CACNA2D1: variants seen among roughly 807,000 people sequenced by gnomAD.
The protein encoded by CACNA2D1 is calcium voltage-gated channel auxiliary subunit alpha2delta 1, also known as voltage-dependent calcium channel subunit alpha-2/delta-1.
A neutral mutation model predicts 171.5 loss-of-function variants in CACNA2D1; 53 were observed. That is an observed-to-expected ratio of 0.31 (90% CI 0.25 to 0.39). The LOEUF (loss-of-function observed/expected upper bound fraction) is 0.39. Ranked by LOEUF, CACNA2D1 falls within the 10% of genes least tolerant of loss-of-function variation. The pLI is 1.00. For synonymous variants in CACNA2D1, 442 were observed against 443.1 expected, an observed-to-expected ratio of 1.00 and a Z score of 0.03; for missense variants, 903 against 1,299.8, an observed-to-expected ratio of 0.69 and a Z score of 4.69.
intron 9 of CACNA2D1, 146 bp downstream of exon 9, chr7:82,064,158 C>T: frequency 5.8e-6 from 3 of 521,644 alleles, no homozygotes; most frequent in Non-Finnish European, 1.1e-5. Context: ...CTTGATATGG[C>T]TTCATTGCCT....
rs533318538 is a variant in CACNA2D1 at position 82,349,767 on chromosome 7, C to T, written c.96-118G>A. 2.8e-5 allele frequency: 23 copies of T among 829,572 alleles called. No homozygotes were observed. The East Asian group carries it at 5.8e-4, about 21-fold the overall frequency. 51.4% of individuals were successfully genotyped at this position (829,572 alleles called of 1,614,324 possible). ...TAAAATGCCCTTAAATTATTCCTCTCCCTCCTAGCACCGACTATGTCCACC... is the reference window on the plus strand; with the variant it reads ...TAAAATGCCCTTAAATTATTCCTCTTCCTCCTAGCACCGACTATGTCCACC... On this transcript the variant is annotated intron_variant, in intron 1 of 38. Transcript: ENST00000356860.
chr7:82,144,443 C>T (rs891005590), intron 4 of CACNA2D1, among the ~76,000 whole-genome samples: 9 of 151,902 alleles, frequency 5.9e-5, no homozygotes, highest in African/African-American at 1.9e-4. Context: ...CTTTTTCTCC[C>T]CTGTGTATCC....
chr7:82,075,066 T>C (rs1808797281), intron 7 of CACNA2D1, among the ~76,000 whole-genome samples: 1 of 152,138 alleles, frequency 6.6e-6, no homozygotes, highest in Non-Finnish European at 1.5e-5. Context: ...CCTGTGTCCA[T>C]GTGTCCTCAT....
At chr7:82,397,163 A>G (rs1825829314) in intron 1 of CACNA2D1, among the ~76,000 whole-genome samples, 1 of 152,088 alleles carries the variant, frequency 6.6e-6, no homozygotes, top group African/African-American at 2.4e-5. Flanking sequence ...GCTTTCCCCA[A>G]AAGGATTCTG....
intron 38 of CACNA2D1, among the ~76,000 whole-genome samples, chr7:81,952,113 G>A (rs1792670403): frequency 6.6e-6 from 1 of 150,414 alleles, no homozygotes; most frequent in Non-Finnish European, 1.5e-5. Context: ...ATATGTTTTG[G>A]CCATTTGTAT....
intron 3 of CACNA2D1, among the ~76,000 whole-genome samples, chr7:82,300,653 A>AAT (rs1214790966): frequency 6.6e-6 from 1 of 152,174 alleles, no homozygotes; most frequent in Non-Finnish European, 1.5e-5. Flanking sequence ...ATTAAATGAT[A>AAT]GTCAACCAAA....
At chr7:81,967,887 T>C (rs1212303097) in intron 29 of CACNA2D1, among the ~76,000 whole-genome samples, 3 of 151,604 alleles carry the variant, frequency 2.0e-5, no homozygotes, top group African/African-American at 7.2e-5. Flanking sequence ...AATTAACTAA[T>C]ACAATAAGCT....
intron 3 of CACNA2D1, among the ~76,000 whole-genome samples, chr7:82,193,184 TA>T (rs34372290): frequency 0.25 from 37,620 of 151,766 alleles, 5,741 homozygotes; most frequent in Non-Finnish European, 0.34. Flanking sequence ...TTCAAGTAAA[TA>T]AGGCCAAACA....
rs73390074 is a variant in CACNA2D1, at chr7:82,435,764, A to G, written c.95+7601T>C. The stretch of plus-strand genomic sequence containing the variant: ...ATTACTTTTTTTTTTTAATTTAAAA[A>G]TCTCAACAGCAACACAGGATAGAAG... On this transcript the variant is annotated intron_variant, in intron 1 of 38. Coordinates refer to ENST00000356860, the MANE Select transcript of CACNA2D1 (RefSeq NM_000722.4). Among the ~76,000 whole-genome samples the G allele has an allele frequency of 8.7e-3, 1,330 of 152,156 alleles. 20 individuals carry two copies. The highest frequency in any genetic ancestry group is 0.031 in the Middle Eastern group (9 of 294).
At chr7:81,971,102 G>A (rs907630966) in intron 26 of CACNA2D1, 1 of 243,074 alleles carries the variant, frequency 4.1e-6, no homozygotes, top group Non-Finnish European at 8.1e-6. Context: ...GAAACAGTAA[G>A]AAGTAAAGTT....
intron 1 of CACNA2D1, among the ~76,000 whole-genome samples, chr7:82,440,048 A>G: frequency 6.6e-6 from 1 of 151,250 alleles, no homozygotes; most frequent in Non-Finnish European, 1.5e-5. Context: ...TAATAACAGG[A>G]AAAAAAAATA....
At chr7:82,335,087 A>T in intron 3 of CACNA2D1, 48 bp downstream of exon 3, 1 of 1,175,120 alleles carries the variant, frequency 8.5e-7, no homozygotes, top group Non-Finnish European at 1.3e-6. Context: ...ATTAAATAAT[A>T]GATAAGTAAG....
At chr7:82,054,365 C>A (rs1224900878) in intron 10 of CACNA2D1, among the ~76,000 whole-genome samples, 3 of 152,170 alleles carry the variant, frequency 2.0e-5, no homozygotes, top group African/African-American at 7.2e-5. Flanking sequence ...CTGGGAATGC[C>A]AGAGAATTAA....
intron 1 of CACNA2D1, among the ~76,000 whole-genome samples, chr7:82,419,930 C>CTTA (rs1828563440): frequency 6.6e-6 from 1 of 152,062 alleles, no homozygotes; most frequent in South Asian, 2.1e-4. Flanking sequence ...ATTGTCATGA[C>CTTA]TTGAGGAGGG....
chr7:82,123,509 A>G (rs759468108), intron 5 of CACNA2D1, among the ~76,000 whole-genome samples: 1 of 152,196 alleles, frequency 6.6e-6, no homozygotes, highest in South Asian at 2.1e-4. Flanking sequence ...AATAAATTCA[A>G]ATTTTAAATC....
intron 10 of CACNA2D1, among the ~76,000 whole-genome samples, chr7:82,041,571 A>C (rs1343626868): frequency 6.6e-6 from 1 of 152,200 alleles, no homozygotes; most frequent in Non-Finnish European, 1.5e-5. Flanking sequence ...TTTATTTTGA[A>C]CAAGACTTTC....
chr7:82,357,229 A>G (rs989222030), intron 1 of CACNA2D1, among the ~76,000 whole-genome samples: 1 of 152,182 alleles, frequency 6.6e-6, no homozygotes, highest in Non-Finnish European at 1.5e-5. Context: ...AGAGTAGTGC[A>G]GTGTATAGTT....
chr7:82,125,763 A>G (rs564848017), intron 5 of CACNA2D1, among the ~76,000 whole-genome samples: 1 of 152,290 alleles, frequency 6.6e-6, no homozygotes, highest in Admixed American at 6.5e-5. Context: ...TATGAAAACA[A>G]TCTTCCCCGT....
chr7:82,264,349 A>T (rs1807528703), intron 3 of CACNA2D1, among the ~76,000 whole-genome samples: 1 of 152,200 alleles, frequency 6.6e-6, no homozygotes, highest in Non-Finnish European at 1.5e-5. Flanking sequence ...CACACAAAAG[A>T]TCTGTTTTTG....
Sources: allele counts gnomAD v4.1 joint callset (sites outside exome capture counted in the v4.1 genomes callset), GRCh38; gene constraint gnomAD v4.1.1; transcripts MANE v1.5; gene names NCBI Gene and HGNC (gene_info 2026-07-23, HGNC 2026-07-21).